Variants in RAPGEF6 observed in about 807,000 individuals in gnomAD.
RAPGEF6 encodes PDZ domain containing guanine nucleotide exchange factor (GEF) 2.
Under a neutral mutation model 171.4 loss-of-function variants are expected in RAPGEF6, and 56 were observed. The ratio of observed to expected loss-of-function variants is 0.33; its 90% CI spans 0.26 to 0.41. RAPGEF6 has a LOEUF of 0.41. RAPGEF6 is among the 10% of genes least tolerant of loss of function. RAPGEF6 has a pLI of 1.00. For synonymous variants in RAPGEF6, 692 were observed against 650.1 expected (o/e 1.06, Z -0.98); for missense variants, 1,674 against 1,921.4 (o/e 0.87, Z 2.41).
At chr5:131,624,670 T>C (rs1209300510) in intron 1 of RAPGEF6, among the ~76,000 whole-genome samples, 1 of 152,020 alleles carries the variant, frequency 6.6e-6, no homozygotes, top group Non-Finnish European at 1.5e-5. Context: ...TCAAATTAAG[T>C]TCAAAGGCAC....
At chr5:131,610,338 A>G (rs900685178) in intron 1 of RAPGEF6, among the ~76,000 whole-genome samples, 2 of 152,218 alleles carry the variant, frequency 1.3e-5, no homozygotes, top group African/African-American at 2.4e-5. Context: ...ACAAGTTTAC[A>G]GCTGCCACCA....
At chr5:131,497,184 T>C (rs1419272830) in intron 12 of RAPGEF6, among the ~76,000 whole-genome samples, 1 of 152,218 alleles carries the variant, frequency 6.6e-6, no homozygotes, top group Admixed American at 6.5e-5. Context: ...TTTGGAGAAA[T>C]GTCTATACAA....
chr5:131,607,684 G>T (rs1764691462), intron 1 of RAPGEF6, among the ~76,000 whole-genome samples: 1 of 152,148 alleles, frequency 6.6e-6, no homozygotes, highest in Admixed American at 6.5e-5. Flanking sequence ...AGAGGTGACT[G>T]GTACCCTTAG....
chr5:131,600,668 AAAG>A (rs1764187197), intron 3 of RAPGEF6, among the ~76,000 whole-genome samples: 4 of 152,012 alleles, frequency 2.6e-5, no homozygotes, highest in Non-Finnish European at 5.9e-5. Flanking sequence ...GGAAGGAAAA[AAAG>A]AAACGTGATG....
intron 4 of RAPGEF6, among the ~76,000 whole-genome samples, chr5:131,585,322 A>ATACG (rs1476686264): frequency 2.1e-4 from 31 of 149,572 alleles, no homozygotes; most frequent in Admixed American, 1.7e-3. Context: ...ACATACATAC[A>ATACG]TACATACATA....
At chr5:131,509,622 G>C (rs1000530939) in intron 8 of RAPGEF6, among the ~76,000 whole-genome samples, 1 of 152,062 alleles carries the variant, frequency 6.6e-6, no homozygotes, top group Non-Finnish European at 1.5e-5. Flanking sequence ...TAAAAAATCT[G>C]CAAGTTTTTC....
At chr5:131,446,827 G>T in intron 21 of RAPGEF6, 124 bp from the exon 22 acceptor site, 1 of 907,206 alleles carries the variant, frequency 1.1e-6, no homozygotes, top group Non-Finnish European at 1.7e-6. Context: ...GTTAAAAGAT[G>T]AAGAGCATTA....
chr5:131,476,469 TA>T lies in RAPGEF6; in HGVS notation c.2081+3043del, dbSNP rs368980843. ...AAAATTTATTTATTTATTTATTTATTATTTTTTTGAGTCGGAGTTTCACTCT... is the reference window on the plus strand; with the variant it reads ...AAAATTTATTTATTTATTTATTTATTTTTTTTTGAGTCGGAGTTTCACTCT... On this transcript the variant is annotated intron_variant, in intron 16 of 27. Transcript: ENST00000509018. Among the ~76,000 whole-genome samples, 447 of 152,162 alleles carry T rather than the reference TA, an allele frequency of 2.9e-3. 4 individuals are homozygous for T. Among genetic ancestry groups the T allele is most frequent in the South Asian group, 8.3e-3 (40 of 4,826 alleles).
chr5:131,520,687 C>T (rs1758420860), intron 7 of RAPGEF6, among the ~76,000 whole-genome samples: 1 of 152,096 alleles, frequency 6.6e-6, no homozygotes, highest in South Asian at 2.1e-4. Flanking sequence ...GGCTCCACAC[C>T]CAGGGAACTG....
chr5:131,628,458 T>C lies in RAPGEF6; in HGVS notation c.69+6504A>G, dbSNP rs576679363. On this transcript the variant is annotated intron_variant, in intron 1 of 27. Transcript: ENST00000509018. ...GATGAGATGGCTGCAGAAGAAAAGT[T>C]TGAAGCTGGTGGAAGTTGGTTCATG... 2.8e-4 allele frequency among the ~76,000 whole-genome samples: 43 copies of C among 152,276 alleles called. 1 individual carries two copies. The South Asian group carries it at 4.6e-3, about 16-fold the overall frequency.
intron 10 of RAPGEF6, 62 bp from the exon 11 acceptor site, chr5:131,504,840 A>T: frequency 2.8e-6 from 4 of 1,423,540 alleles, no homozygotes; most frequent in Non-Finnish European, 3.8e-6. Flanking sequence ...ATCACTATGT[A>T]CCAATGCAGA....
chr5:131,431,128 G>A lies in RAPGEF6; in HGVS notation c.4196C>T (p.Pro1399Leu). ...NSYRHTHLDD[P>L]IAEVEPTDSE... ...GTCAGTGGGTTCAACTTCAGCAATG[G>A]GGTCATCCAAATGGGTATGTCTGTA... The change falls in exon 26 of 28, where the codon CCC becomes CTC. Residue 1399 changes from proline (P) to leucine (L), a missense_variant. By Grantham distance (98) the Pro-to-Leu change is moderately conservative. This residue lies in a region of RAPGEF6 where 552 missense variants were observed against 574.2 expected (regional missense o/e 0.96). Transcript: ENST00000509018. 6.2e-7 allele frequency: 1 copy of A among 1,614,156 alleles called. No individual in the cohort carries two copies. The highest frequency in any genetic ancestry group is 8.5e-7 in the Non-Finnish European group (1 of 1,180,026).
chr5:131,469,313 A>T (rs892578804), intron 17 of RAPGEF6, among the ~76,000 whole-genome samples: 6 of 152,194 alleles, frequency 3.9e-5, no homozygotes, highest in Non-Finnish European at 7.4e-5. Flanking sequence ...TTATTCTGGC[A>T]GTTTAATTTT....
chr5:131,445,495 G>C lies in RAPGEF6; in HGVS notation c.3421+988C>G, dbSNP rs187785068. ...TATGGGCAAATTTAACTCACTCTCT[G>C]TGTGTGTGTGTGTGTGTGTGTGTAT... On this transcript the variant is annotated intron_variant, in intron 22 of 27. Transcript: ENST00000509018. 7.2e-3 allele frequency among the ~76,000 whole-genome samples: 1,033 copies of C among 143,398 alleles called. 14 individuals carry two copies. The highest frequency in any genetic ancestry group is 0.027 in the African/African-American group (971 of 36,136). 94.1% of individuals were successfully genotyped at this position (143,398 alleles called of 152,430 possible). A position where few individuals can be genotyped will look rare whatever the true frequency, so the allele number is the denominator to read the frequency against.
At chr5:131,548,865 T>C (rs541992622) in intron 5 of RAPGEF6, among the ~76,000 whole-genome samples, 8 of 151,994 alleles carry the variant, frequency 5.3e-5, no homozygotes, top group Non-Finnish European at 1.2e-4. Flanking sequence ...TAAAGGTGAG[T>C]TGGCAACCTG....
chr5:131,576,252 A>G (rs1434824867), intron 4 of RAPGEF6, among the ~76,000 whole-genome samples: 1 of 152,202 alleles, frequency 6.6e-6, no homozygotes, highest in African/African-American at 2.4e-5. Context: ...ATCGTTAGTC[A>G]TCGGCAAGGG....
chr5:131,525,221 G>A (rs562344730), intron 6 of RAPGEF6, among the ~76,000 whole-genome samples: 1 of 152,154 alleles, frequency 6.6e-6, no homozygotes, highest in East Asian at 1.9e-4. Flanking sequence ...AAAAACTCCA[G>A]AATGCATTTT....
At chr5:131,528,099 T>TTATATATTATATATCATATAAAA in intron 6 of RAPGEF6, among the ~76,000 whole-genome samples, 1 of 128,220 alleles carries the variant, frequency 7.8e-6, no homozygotes, top group East Asian at 2.0e-4. Flanking sequence ...TAATATAAAT[T>TTATATATTATATATCATATAAAA]TATATATTAT....
At chr5:131,549,333 C>G (rs1239005405) in intron 5 of RAPGEF6, among the ~76,000 whole-genome samples, 1 of 152,024 alleles carries the variant, frequency 6.6e-6, no homozygotes, top group Non-Finnish European at 1.5e-5. Context: ...CTTGATATTA[C>G]CAAAAATTTC....
Sources: gnomAD v4.1 joint callset for allele counts (sites outside exome capture counted in the v4.1 genomes callset) on GRCh38, gnomAD v4.1.1 for gene constraint, gnomAD v4.1.1 regional missense constraint, MANE v1.5 for transcripts, NCBI Gene and HGNC (gene_info 2026-07-23, HGNC 2026-07-21) for gene names.